CPS1: variants seen among roughly 807,000 people sequenced by gnomAD.
CPS1 encodes the protein carbamoyl-phosphate synthase 1.
In CPS1, 109 loss-of-function variants were observed where a neutral mutation model predicts 174.6. The ratio of observed to expected loss-of-function variants is 0.62; its 90% CI spans 0.53 to 0.73. CPS1 has a LOEUF of 0.73. Among genes scored for constraint, CPS1 ranks in the 30% least tolerant of loss-of-function variants. CPS1 has a pLI of 0.00. For missense variants in CPS1, 1,689 were observed against 1,821.9 expected (o/e 0.93, Z 1.33); for synonymous variants, 637 against 632.0 (o/e 1.01, Z -0.12).
chr2:210,494,226 T>C (rs1275520468), intron 1 of CPS1, among the ~76,000 whole-genome samples: 1 of 152,246 alleles, frequency 6.6e-6, no homozygotes, highest in East Asian at 1.9e-4. Flanking sequence ...CTGAAATGTG[T>C]TTCCTTTATT....
intron 20 of CPS1, among the ~76,000 whole-genome samples, chr2:210,615,621 T>C (rs1346632915): frequency 6.6e-6 from 1 of 151,882 alleles, no homozygotes; most frequent in African/African-American, 2.4e-5. Flanking sequence ...AGAATAAGAG[T>C]AGACATCTTT....
intron 22 of CPS1, 28 bp downstream of exon 22, chr2:210,637,871 C>T (rs763551289): frequency 3.1e-6 from 5 of 1,613,070 alleles, no homozygotes; most frequent in Non-Finnish European, 4.2e-6. Context: ...TTCCCCCATC[C>T]CCCACTGACA....
At chr2:210,589,387 G>A (rs1413908119) in intron 7 of CPS1, among the ~76,000 whole-genome samples, 6 of 151,942 alleles carry the variant, frequency 3.9e-5, no homozygotes, top group Admixed American at 2.0e-4. Flanking sequence ...TTTTCCATTC[G>A]AATATAAATC....
At chr2:210,634,861 T>C (rs993461210) in intron 21 of CPS1, among the ~76,000 whole-genome samples, 4 of 152,230 alleles carry the variant, frequency 2.6e-5, no homozygotes, top group Non-Finnish European at 4.4e-5. Context: ...ATACGTGCCA[T>C]GTCCACTGCT....
Position 210,595,530 on chromosome 2 carries a change from G to A in CPS1, c.1307G>A (p.Gly436Asp), listed in dbSNP as rs1553511785. 6.2e-7 allele frequency: 1 copy of A among 1,611,580 alleles called. No individual in the cohort carries two copies. Among genetic ancestry groups the A allele is most frequent in the Non-Finnish European group, 8.5e-7 (1 of 1,178,444 alleles). The stretch of plus-strand genomic sequence containing the variant: ...CTAGGATCAGGAGGTCTGTCCATTG[G>A]TCAGGCTGGAGAATTTGATTACTCA... ...LILGSGGLSI[G>D]QAGEFDYSGS... Residue 436 changes from glycine (G) to aspartate (D), a missense_variant, in exon 13 of 38, where the codon GGT (glycine) becomes GAT (aspartate). Gly to Asp is a moderately conservative substitution (Grantham distance 94, BLOSUM62 -1). Transcript: ENST00000233072.
intron 15 of CPS1, among the ~76,000 whole-genome samples, chr2:210,601,742 G>A (rs1270103208): frequency 1.3e-5 from 2 of 151,996 alleles, no homozygotes; most frequent in South Asian, 2.1e-4. Flanking sequence ...GACTGAACTT[G>A]AAAATGAAAA....
At chr2:210,492,292 CA>C (rs1263165176) in intron 1 of CPS1, among the ~76,000 whole-genome samples, 1 of 152,084 alleles carries the variant, frequency 6.6e-6, no homozygotes, top group Non-Finnish European at 1.5e-5. Flanking sequence ...GTAGAGGTTC[CA>C]AAATGTTAAG....
At chr2:210,545,596 A>T (rs541254858) in intron 1 of CPS1, among the ~76,000 whole-genome samples, 76 of 152,156 alleles carry the variant, frequency 5.0e-4, no homozygotes, top group Middle Eastern at 3.4e-3. Context: ...ATTAATCTAA[A>T]TTCATTTTGA....
chr2:210,583,558 A>G (rs1263561023), intron 6 of CPS1, among the ~76,000 whole-genome samples: 1 of 152,152 alleles, frequency 6.6e-6, no homozygotes, highest in East Asian at 1.9e-4. Context: ...AGTAAGGTAG[A>G]TGAAGAACCA....
intron 25 of CPS1, among the ~76,000 whole-genome samples, chr2:210,646,474 C>G (rs61131132): frequency 0.03 from 4,507 of 152,194 alleles, 85 homozygotes; most frequent in Middle Eastern, 0.078. Context: ...TCTCATCAGA[C>G]AGAAATTAGC....
chr2:210,523,512 G>T (rs913232706), intron 1 of CPS1, among the ~76,000 whole-genome samples: 2 of 151,706 alleles, frequency 1.3e-5, no homozygotes, highest in East Asian at 3.9e-4. Context: ...CCACCTTTCC[G>T]AGTCTCCAGT....
At chr2:210,675,707 A>AT (rs1368332093) in intron 35 of CPS1, 21 bp from the exon 36 acceptor site, 3 of 1,196,548 alleles carry the variant, frequency 2.5e-6, no homozygotes, top group Non-Finnish European at 3.8e-6. Context: ...ACGGTAATTG[A>AT]TTTTTTCATT....
intron 1 of CPS1, among the ~76,000 whole-genome samples, chr2:210,521,899 T>G (rs1000419470): frequency 2.6e-5 from 4 of 151,950 alleles, no homozygotes; most frequent in Admixed American, 6.6e-5. Context: ...TGGTTTATTA[T>G]AAATATCCTT....
intron 24 of CPS1, among the ~76,000 whole-genome samples, chr2:210,642,269 C>G (rs1340298609): frequency 6.6e-6 from 1 of 151,992 alleles, no homozygotes; most frequent in Non-Finnish European, 1.5e-5. Context: ...TATGACAAGC[C>G]CAATATTTCC....
At chr2:210,534,939 G>T (rs796547187) in intron 1 of CPS1, among the ~76,000 whole-genome samples, 4 of 152,260 alleles carry the variant, frequency 2.6e-5, no homozygotes, top group African/African-American at 7.2e-5. Flanking sequence ...AGACATAGCA[G>T]TTCTCTTCTA....
In CPS1 at chr2:210,593,280, C is replaced by G. The variant is rs567440063; in HGVS notation, c.1164+324C>G. On this transcript the variant is annotated intron_variant, in intron 11 of 37. Coordinates refer to ENST00000233072, the MANE Select transcript of CPS1 (RefSeq NM_001875.5). ...AAATGAATTCCCTTTTGCTCTCTCT[C>G]GTTCTCATGACTGAAATGAAATTTT... is the stretch of plus-strand genomic sequence containing the variant. 7.9e-5 allele frequency: 76 copies of G among 957,008 alleles called. 1 individual carries two copies. The South Asian group carries it at 1.6e-3, about 21-fold the overall frequency. The allele number at this position is 957,008 out of a possible 1,614,324, so 59.3% of individuals were successfully genotyped here.
chr2:210,518,229 CT>C (rs1473963999), intron 1 of CPS1, among the ~76,000 whole-genome samples: 3 of 151,936 alleles, frequency 2.0e-5, no homozygotes, highest in Non-Finnish European at 4.4e-5. Context: ...TATGATGATG[CT>C]GTTACTGCCA....
intron 28 of CPS1, among the ~76,000 whole-genome samples, chr2:210,653,791 T>C (rs892873338): frequency 3.3e-5 from 5 of 152,194 alleles, no homozygotes; most frequent in Admixed American, 2.6e-4. Context: ...TCAGAACTCA[T>C]GGTCAGTTTG....
Position 210,592,923 on chromosome 2 carries a change from C to T in CPS1, c.1131C>T (p.His377=), listed in dbSNP as rs372421311. ...AACCCTTCTTCGCTGTGCAGTTCCACCCAGAGGTCACCCCGGGGCCAATAG... is the reference window on the plus strand; with the variant it reads ...AACCCTTCTTCGCTGTGCAGTTCCATCCAGAGGTCACCCCGGGGCCAATAG... ...ESKPFFAVQF[H]PEVTPGPIDT... The change falls in exon 11 of 38, where the codon CAC becomes CAT. Residue 377 remains histidine (H), a synonymous_variant. Transcript: ENST00000233072. 309 of 1,612,300 alleles carry T rather than the reference C, an allele frequency of 1.9e-4. No individual in the cohort carries two copies. Among genetic ancestry groups the T allele is most frequent in the Non-Finnish European group, 2.6e-4 (301 of 1,179,036 alleles).
Sources: allele counts gnomAD v4.1 joint callset (sites outside exome capture counted in the v4.1 genomes callset), GRCh38; gene constraint gnomAD v4.1.1; transcripts MANE v1.5; gene names NCBI Gene and HGNC (gene_info 2026-07-23, HGNC 2026-07-21).